Variants in COMP observed in about 807,000 individuals in gnomAD.
COMP encodes cartilage oligomeric matrix protein (pseudoachondroplasia, epiphyseal dysplasia 1, multiple).
COMP carries 79 observed loss-of-function variants against 95.8 expected under a neutral mutation model. The observed-to-expected ratio is 0.82, with a 90% confidence interval of 0.69 to 0.99. The LOEUF (loss-of-function observed/expected upper bound fraction) is 0.99, where lower values mean the gene tolerates loss of function less well. COMP is among the 50% of genes least tolerant of loss of function. The pLI is 0.00. For missense variants in COMP, 906 were observed against 1,076.1 expected (o/e 0.84, Z 2.21); for synonymous variants, 438 against 433.9 (o/e 1.01, Z -0.12).
intron 2 of COMP, 73 bp downstream of exon 2, chr19:18,790,777 C>T (rs1042375034): frequency 3.7e-5 from 58 of 1,582,330 alleles, no homozygotes; most frequent in Non-Finnish European, 5.0e-5. Context: ...TCGGGTACTT[C>T]CTCTCTCCTC....
Position 18,789,901 on chromosome 19 carries a change from G to C in COMP, c.390+41C>G. The C allele has an allele frequency of 6.3e-7, 1 of 1,591,348 alleles. No homozygotes were observed. ...GGCGGCGAGAGATTGGGGGGCGGTA[G>C]AGGGAGTCGTCAGGGCGGTGGAGTG... On this transcript the variant is annotated intron_variant, in intron 4 of 18. Transcript: ENST00000222271. The surrounding 1 kb of genome is among the most constrained non-coding windows in gnomAD (Gnocchi z 6.1).
At chr19:18,790,232 G>A (rs1272762649) in intron 3 of COMP, 118 bp from the exon 4 acceptor site, 3 of 624,920 alleles carry the variant, frequency 4.8e-6, no homozygotes, top group East Asian at 7.5e-5. Context: ...CCCCCGCCCC[G>A]GGGCGGCCCG....
rs150008764 is a variant in COMP at position 18,790,128 on chromosome 19, G to T, written c.218-14C>A. On this transcript the variant is annotated splice_polypyrimidine_tract_variant and intron_variant, in intron 3 of 18. Transcript: ENST00000222271. ...ACTGCTGCATCCCTGCGGGGGGGAG[G>T]GGGGAGAAGCGGCGGGGCTGATCGG... 6 of 1,520,718 alleles carry T rather than the reference G, an allele frequency of 3.9e-6. No homozygotes were observed. The highest frequency in any genetic ancestry group is 4.0e-5 in the Admixed American group (2 of 49,840). The allele number at this position is 1,520,718 out of a possible 1,614,324, so 94.2% of individuals were successfully genotyped here.
chr19:18,783,281 C>T, intron 17 of COMP, 88 bp from the exon 18 acceptor site: 1 of 1,546,328 alleles, frequency 6.5e-7, no homozygotes. Context: ...AAGATGGGTA[C>T]CCCTGACTGG....
At chr19:18,785,469 G>A in intron 15 of COMP, 29 bp downstream of exon 15, 1 of 1,612,264 alleles carries the variant, frequency 6.2e-7, no homozygotes, top group Non-Finnish European at 8.5e-7. Context: ...CCGCTCCGTG[G>A]CAGGATAGCG....
Position 18,786,611 on chromosome 19 carries a change from T to C in COMP, c.1175A>G (p.Asn392Ser). 6.2e-7 allele frequency: 1 copy of C among 1,613,962 alleles called. No homozygotes were observed. Among genetic ancestry groups the C allele is most frequent in the Non-Finnish European group, 8.5e-7 (1 of 1,179,976 alleles). ...GCCATCACTGTCCTTCTGGTCTGAGTTGGGTACCCTAGGGCAGTTGTCGGC... is the reference window on the plus strand; with the variant it reads ...GCCATCACTGTCCTTCTGGTCTGAGCTGGGTACCCTAGGGCAGTTGTCGGC... Reference protein sequence around the residue: ...NQADNCPRVPNSDQKDSDGDG... With the variant: ...NQADNCPRVPSSDQKDSDGDG... Residue 392 changes from asparagine (N) to serine (S), a missense_variant, in exon 11 of 19, where the codon AAC (asparagine) becomes AGC (serine). Physicochemically the swap from Asn to Ser is conservative, Grantham distance 46. Coordinates refer to ENST00000222271, the MANE Select transcript of COMP (RefSeq NM_000095.3).
Position 18,789,235 on chromosome 19 carries a change from G to T in COMP, c.453C>A (p.Cys151Ter), listed in dbSNP as rs201389713. 6.5e-7 allele frequency: 1 copy of T among 1,531,086 alleles called. No individual in the cohort carries two copies. Among genetic ancestry groups the T allele is most frequent in the Non-Finnish European group, 8.7e-7 (1 of 1,147,278 alleles). The allele number at this position is 1,531,086 out of a possible 1,614,324, so 94.8% of individuals were successfully genotyped here. The stretch of plus-strand genomic sequence containing the variant: ...CGCTGTACCCCGGCGGGCAAGCCTC[G>T]CAGCGGAACCCCGGGCTGGTGTTGA... ...RCINTSPGFR[C>*]EACPPGYSGP... is the part of the protein sequence containing the mutation. The change falls in exon 5 of 19, where the codon TGC becomes TGA. Residue 151 changes from cysteine (C) to a stop codon, truncating the protein, a stop_gained. Transcript: ENST00000222271. LOFTEE classifies it high-confidence loss of function. The surrounding 1 kb of genome is among the most constrained non-coding windows in gnomAD (Gnocchi z 6.1).
chr19:18,784,823 C>G lies in COMP; in HGVS notation c.1914+73G>C. 6.5e-7 allele frequency: 1 copy of G among 1,541,598 alleles called. No homozygotes were observed. Among genetic ancestry groups the G allele is most frequent in the Non-Finnish European group, 8.9e-7 (1 of 1,123,624 alleles). On this transcript the variant is annotated intron_variant, in intron 16 of 18. Transcript: ENST00000222271. This position sits in a 1 kb window ranked among gnomAD's most constrained non-coding sequence, Gnocchi z 4.9. ...CTAGGGGGCTGGGGGGCTCTAAGGG[C>G]TGTAAAGGGTTTTACGGAGGGTCAT...
Position 18,788,333 on chromosome 19 carries a change from CAGA to C in COMP, c.868-17_868-15del. 1 of 1,609,798 alleles carries C rather than the reference CAGA, an allele frequency of 6.2e-7. No homozygotes were observed. ...CACGCAGTTGTCCTGGGGGCGGGCA[CAGA>C]AGGTGTGAGGGGCGCGGTCATGAAG... On this transcript the variant is annotated splice_polypyrimidine_tract_variant and intron_variant, in intron 8 of 18. Coordinates refer to ENST00000222271, the MANE Select transcript of COMP (RefSeq NM_000095.3). This position sits in a 1 kb window ranked among gnomAD's most constrained non-coding sequence, Gnocchi z 4.7.
Position 18,785,060 on chromosome 19 carries a change from C to G in COMP, c.1750G>C (p.Gly584Arg). 6.2e-7 allele frequency: 1 copy of G among 1,614,044 alleles called. No individual in the cohort carries two copies. The highest frequency in any genetic ancestry group is 8.5e-7 in the Non-Finnish European group (1 of 1,179,982). The change falls in exon 16 of 19, where the codon GGC becomes CGC. Residue 584 changes from glycine to arginine, a missense_variant. Physicochemically the swap from Gly to Arg is moderately radical, Grantham distance 125. Transcript: ENST00000222271. ...YTAFNGVDFE[G>R]TFHVNTVTDD... is the part of the protein sequence containing the mutation. ...GTGACCGTGTTCACATGGAACGTGC[C>G]CTCGAAGTCCACGCCATTGAAGGCA...
rs2055138083 is a variant in COMP at position 18,783,202 on chromosome 19, C to G, written c.2088-9G>C. 1 of 1,606,506 alleles carries G rather than the reference C, an allele frequency of 6.2e-7. No homozygotes were observed. Among genetic ancestry groups the G allele is most frequent in the African/African-American group, 1.3e-5 (1 of 74,946 alleles). On this transcript the variant is annotated splice_polypyrimidine_tract_variant and intron_variant, in intron 17 of 18. Coordinates refer to ENST00000222271, the MANE Select transcript of COMP (RefSeq NM_000095.3). ...CCTCATAGAATCGCACCCTGAGGGT[C>G]AGACATGGTGAGGCCTGGGGGACCT... is the stretch of plus-strand genomic sequence containing the variant.
Position 18,788,374 on chromosome 19 carries a change from T to G in COMP, c.867+36A>C. 1 of 1,430,414 alleles carries G rather than the reference T, an allele frequency of 7.0e-7. No homozygotes were observed. Among genetic ancestry groups the G allele is most frequent in the Non-Finnish European group, 9.7e-7 (1 of 1,032,692 alleles). 88.6% of individuals were successfully genotyped at this position (1,430,414 alleles called of 1,614,324 possible). On this transcript the variant is annotated intron_variant, in intron 8 of 18. Coordinates refer to ENST00000222271, the MANE Select transcript of COMP (RefSeq NM_000095.3). The surrounding 1 kb of genome is among the most constrained non-coding windows in gnomAD (Gnocchi z 4.7). ...CGCGGTCATGAAGTCCCGCCCTCCCTCCTGCCCAAGCCCGCCCCGCTCCGC... is the reference window on the plus strand; with the variant it reads ...CGCGGTCATGAAGTCCCGCCCTCCCGCCTGCCCAAGCCCGCCCCGCTCCGC...
chr19:18,785,383 A>T, intron 15 of COMP, 115 bp downstream of exon 15: 1 of 983,644 alleles, frequency 1.0e-6, no homozygotes, highest in Non-Finnish European at 1.5e-6. Context: ...GCCCTTCCTG[A>T]GCCCGGGCCA....
chr19:18,783,902 G>A lies in COMP; in HGVS notation c.2087+289C>T, dbSNP rs1464758757. Among the ~76,000 whole-genome samples the A allele has an allele frequency of 3.9e-5, 6 of 152,124 alleles. No individual in the cohort carries two copies. The South Asian group carries it at 6.2e-4, about 16-fold the overall frequency. The stretch of plus-strand genomic sequence containing the variant: ...TGGGATTACAGGCATGAGCCACTGC[G>A]CCTGGCCTAATTTTTTTCTTTTTTG... On this transcript the variant is annotated intron_variant, in intron 17 of 18. Transcript: ENST00000222271.
Position 18,784,453 on chromosome 19 carries a change from G to C in COMP, c.1915-90C>G. On this transcript the variant is annotated intron_variant, in intron 16 of 18. Transcript: ENST00000222271. This position sits in a 1 kb window ranked among gnomAD's most constrained non-coding sequence, Gnocchi z 4.9. The stretch of plus-strand genomic sequence containing the variant: ...CCTGGAGAGACAGTTGGGAGCAGCA[G>C]GTGGTGGGCGGCCAGGGGGATCCGG... 6.7e-7 allele frequency: 1 copy of C among 1,485,892 alleles called. No individual in the cohort carries two copies. The highest frequency in any genetic ancestry group is 9.3e-7 in the Non-Finnish European group (1 of 1,075,202). 92.0% of individuals were successfully genotyped at this position (1,485,892 alleles called of 1,614,324 possible). A position where few individuals can be genotyped will look rare whatever the true frequency, so the allele number is the denominator to read the frequency against.
In COMP at chr19:18,784,923, A is replaced by G. The variant is rs2055153754; in HGVS notation, c.1887T>C (p.Ala629=). Residue 629 remains alanine (A), a synonymous_variant, in exon 16 of 19, where the codon GCT becomes GCC. Coordinates refer to ENST00000222271, the MANE Select transcript of COMP (RefSeq NM_000095.3). The surrounding 1 kb of genome is among the most constrained non-coding windows in gnomAD (Gnocchi z 4.9). Reference sequence around the variant, plus strand: ...TGAGTTGGATGCCAGGCTCGGCCACAGCACGGAAGGGGTTCGCCTGCCAAT... The same window carrying G: ...TGAGTTGGATGCCAGGCTCGGCCACGGCACGGAAGGGGTTCGCCTGCCAAT... The part of the protein sequence containing the change: ...QTYWQANPFR[A]VAEPGIQLKA... 6.2e-7 allele frequency: 1 copy of G among 1,613,928 alleles called. No homozygotes were observed. The highest frequency in any genetic ancestry group is 1.7e-5 in the Admixed American group (1 of 60,016).
intron 9 of COMP, among the ~76,000 whole-genome samples, chr19:18,787,864 C>CTCTTTCTT (rs1555791611): frequency 7.4e-5 from 8 of 108,832 alleles, no homozygotes; most frequent in Non-Finnish European, 1.5e-4. Context: ...TTTTCTTTTT[C>CTCTTTCTT]TCTTTCTTTC....
Position 18,788,135 on chromosome 19 carries a change from C to A in COMP, c.975+77G>T, listed in dbSNP as rs963024088. On this transcript the variant is annotated intron_variant, in intron 9 of 18. Transcript: ENST00000222271. The surrounding 1 kb of genome is among the most constrained non-coding windows in gnomAD (Gnocchi z 4.7). ...GCCAGGATGGTCTCCATCTCTTGAC[C>A]TCGTGATCCGCCCGCCTCGGCCTCC... 1 of 1,230,118 alleles carries A rather than the reference C, an allele frequency of 8.1e-7. No homozygotes were observed. Among genetic ancestry groups the A allele is most frequent in the East Asian group, 2.4e-5 (1 of 41,914 alleles). The allele number at this position is 1,230,118 out of a possible 1,614,324, so 76.2% of individuals were successfully genotyped here. A position where few individuals can be genotyped will look rare whatever the true frequency, so the allele number is the denominator to read the frequency against.
intron 17 of COMP, 126 bp from the exon 18 acceptor site, chr19:18,783,319 G>T: frequency 1.5e-6 from 2 of 1,344,128 alleles, no homozygotes; most frequent in Non-Finnish European, 2.0e-6. Flanking sequence ...TGAGGCCTCT[G>T]CCTTGGGCCT....
Sources: allele counts gnomAD v4.1 joint callset (sites outside exome capture counted in the v4.1 genomes callset), GRCh38; gene constraint gnomAD v4.1.1; non-coding constraint Gnocchi (gnomAD v3.1); transcripts MANE v1.5; gene names NCBI Gene and HGNC (gene_info 2026-07-23, HGNC 2026-07-21).